EXT1: variants seen among roughly 807,000 people sequenced by gnomAD.
EXT1 encodes the protein exostosin glycosyltransferase 1, also known as exostosin-1.
In EXT1, 20 loss-of-function variants were observed where a neutral mutation model predicts 82.5. That is an observed-to-expected ratio of 0.24 (90% CI 0.17 to 0.35). EXT1 has a LOEUF of 0.35. Among genes scored for constraint, EXT1 ranks in the 10% least tolerant of loss-of-function variants. The pLI is 1.00. For missense variants in EXT1, 757 were observed against 936.5 expected (o/e 0.81, Z 2.50); for synonymous variants, 348 against 350.8 (o/e 0.99, Z 0.09).
At chr8:117,983,672 T>G (rs771716331) in intron 1 of EXT1, among the ~76,000 whole-genome samples, 3 of 152,164 alleles carry the variant, frequency 2.0e-5, no homozygotes, top group Non-Finnish European at 4.4e-5. Flanking sequence ...CACTAAAAAG[T>G]TAAACACCAT....
At chr8:117,987,966 T>A (rs1815355172) in intron 1 of EXT1, among the ~76,000 whole-genome samples, 1 of 152,200 alleles carries the variant, frequency 6.6e-6, no homozygotes, top group Non-Finnish European at 1.5e-5. Flanking sequence ...CAGGTGCCTG[T>A]AGTTCCAGCT....
rs1812697244 is a variant in EXT1, at chr8:117,862,129, G to A, written c.963-24928C>T. ...TCATGGTTAATTTTGTTGCCAGCAG[G>A]ATAATAAAGTGTGATACAAACTCTA... is the stretch of plus-strand genomic sequence containing the variant. On this transcript the variant is annotated intron_variant, in intron 1 of 10. Coordinates refer to ENST00000378204, the MANE Select transcript of EXT1 (RefSeq NM_000127.3). Among the ~76,000 whole-genome samples, 2 of 145,894 alleles carry A rather than the reference G, an allele frequency of 1.4e-5. 1 individual carries two copies. Among genetic ancestry groups the A allele is most frequent in the South Asian group, 4.4e-4 (2 of 4,528 alleles).
At chr8:117,974,554 A>C (rs1815028047) in intron 1 of EXT1, among the ~76,000 whole-genome samples, 1 of 151,928 alleles carries the variant, frequency 6.6e-6, no homozygotes, top group Non-Finnish European at 1.5e-5. Flanking sequence ...TGCAGCCTTG[A>C]CCTCTCCAGC....
chr8:117,809,969 AT>A (rs755024087), intron 8 of EXT1, among the ~76,000 whole-genome samples: 2 of 152,210 alleles, frequency 1.3e-5, no homozygotes, highest in Non-Finnish European at 2.9e-5. Flanking sequence ...CATCGCATGA[AT>A]TTCTTACTAT....
chr8:117,825,235 G>T (rs1170832773), intron 4 of EXT1, among the ~76,000 whole-genome samples: 3 of 152,090 alleles, frequency 2.0e-5, no homozygotes, highest in African/African-American at 4.8e-5. Context: ...CATTAGTATT[G>T]CCAAGTGTCT....
At chr8:117,963,101 C>T (rs937177463) in intron 1 of EXT1, among the ~76,000 whole-genome samples, 4 of 152,178 alleles carry the variant, frequency 2.6e-5, no homozygotes, top group African/African-American at 7.2e-5. Context: ...AGTCTTGTTC[C>T]TTCCCTTCCT....
intron 1 of EXT1, among the ~76,000 whole-genome samples, chr8:118,065,654 A>G (rs930085259): frequency 1.3e-5 from 2 of 152,214 alleles, no homozygotes; most frequent in African/African-American, 4.8e-5. Context: ...TTCTCTGTAC[A>G]TTTGAACTTA....
At chr8:118,020,123 G>T (rs1407518861) in intron 1 of EXT1, among the ~76,000 whole-genome samples, 1 of 152,160 alleles carries the variant, frequency 6.6e-6, no homozygotes, top group Non-Finnish European at 1.5e-5. Context: ...TAAAATTTGT[G>T]TTTGGGGTTT....
intron 1 of EXT1, among the ~76,000 whole-genome samples, chr8:117,872,585 T>C (rs1812893311): frequency 6.6e-6 from 1 of 152,206 alleles, no homozygotes; most frequent in Non-Finnish European, 1.5e-5. Context: ...GATTTTAATA[T>C]GTTTCTGATA....
chr8:117,983,542 A>T (rs1011654376), intron 1 of EXT1, among the ~76,000 whole-genome samples: 9 of 152,200 alleles, frequency 5.9e-5, no homozygotes, highest in African/African-American at 2.2e-4. Context: ...GCTCAGTAGT[A>T]ACAGCCCCAA....
intron 1 of EXT1, among the ~76,000 whole-genome samples, chr8:118,056,407 A>C (rs1816794744): frequency 6.6e-6 from 1 of 152,196 alleles, no homozygotes; most frequent in Non-Finnish European, 1.5e-5. Flanking sequence ...CATTCATCAG[A>C]GAGAAGGAAA....
chr8:117,900,849 C>T, intron 1 of EXT1, among the ~76,000 whole-genome samples: 1 of 152,214 alleles, frequency 6.6e-6, no homozygotes, highest in East Asian at 1.9e-4. Context: ...CTAGTAGCTA[C>T]CATTTATTGG....
intron 1 of EXT1, among the ~76,000 whole-genome samples, chr8:118,106,635 C>G (rs1033972529): frequency 3.3e-5 from 5 of 152,260 alleles, no homozygotes; most frequent in Non-Finnish European, 7.3e-5. Flanking sequence ...GAAGCCACCT[C>G]TCCTTTCCCT....
chr8:117,930,989 A>G (rs761464637), intron 1 of EXT1, among the ~76,000 whole-genome samples: 2 of 152,248 alleles, frequency 1.3e-5, no homozygotes, highest in African/African-American at 2.4e-5. Context: ...TACAGATGCC[A>G]TGGCAATGCC....
intron 1 of EXT1, among the ~76,000 whole-genome samples, chr8:118,064,677 C>A (rs531686737): frequency 6.6e-6 from 1 of 152,158 alleles, no homozygotes; most frequent in African/African-American, 2.4e-5. Flanking sequence ...AATTTATAAT[C>A]CTTTGGGATT....
chr8:117,844,770 T>C (rs958990520), intron 1 of EXT1, among the ~76,000 whole-genome samples: 2 of 152,110 alleles, frequency 1.3e-5, no homozygotes, highest in African/African-American at 4.8e-5. Context: ...AAATGTGCAG[T>C]GCTAGGCTCT....
chr8:118,037,836 GTTTTT>G (rs58862041), intron 1 of EXT1, among the ~76,000 whole-genome samples: 1 of 107,436 alleles, frequency 9.3e-6, no homozygotes, highest in Non-Finnish European at 1.8e-5. Context: ...AGTGTTTTTT[GTTTTT>G]TTTTTTTTTT....
chr8:118,071,204 C>A (rs1182498607), intron 1 of EXT1, among the ~76,000 whole-genome samples: 1 of 152,128 alleles, frequency 6.6e-6, no homozygotes, highest in Non-Finnish European at 1.5e-5. Context: ...TCAGCATTTC[C>A]ATCCTTAGGA....
At chr8:118,017,154 T>C (rs1016312815) in intron 1 of EXT1, among the ~76,000 whole-genome samples, 7 of 152,182 alleles carry the variant, frequency 4.6e-5, no homozygotes, top group Non-Finnish European at 1.0e-4. Flanking sequence ...GTTAGTCTGC[T>C]TGAATCTGAA....
Sources: allele counts gnomAD v4.1 joint callset (sites outside exome capture counted in the v4.1 genomes callset), GRCh38; gene constraint gnomAD v4.1.1; transcripts MANE v1.5; gene names NCBI Gene and HGNC (gene_info 2026-07-23, HGNC 2026-07-21).